Variants in DMD observed in about 807,000 individuals in gnomAD.
DMD encodes the protein mutant dystrophin.
A neutral mutation model predicts 330.1 loss-of-function variants in DMD; 63 were observed. That is an observed-to-expected ratio of 0.19 (90% confidence interval 0.16 to 0.24). The LOEUF (loss-of-function observed/expected upper bound fraction) is 0.24, where lower values mean the gene tolerates loss of function less well. Ranked by LOEUF, DMD falls within the 10% of genes least tolerant of loss-of-function variation. DMD has a pLI of 1.00. For missense variants in DMD, 3,344 were observed against 2,684.1 expected (o/e 1.25, Z -5.43); for synonymous variants, 1,223 against 959.8 (o/e 1.27, Z -5.07).
intron 2 of DMD, among the ~76,000 whole-genome samples, chrX:33,008,691 C>G (rs1421483616): frequency 9.4e-6 from 1 of 106,687 alleles, no homozygotes; most frequent in East Asian, 3.0e-4. Flanking sequence ...CTTTATTCAT[C>G]ACCTATCTGC....
chrX:32,742,829 G>A (rs2069473858), intron 7 of DMD, among the ~76,000 whole-genome samples: 1 of 111,889 alleles, frequency 8.9e-6, no homozygotes, highest in Non-Finnish European at 1.9e-5. Context: ...CTGTAAAATT[G>A]TTACATGAAT....
intron 1 of DMD, among the ~76,000 whole-genome samples, chrX:33,023,754 T>G (rs1316079731): frequency 9.0e-6 from 1 of 111,531 alleles, no homozygotes; most frequent in Non-Finnish European, 1.9e-5. Flanking sequence ...TGGGCTCCAT[T>G]TGATTATCTG....
intron 62 of DMD, among the ~76,000 whole-genome samples, chrX:31,273,596 C>G (rs1050362844): frequency 1.8e-5 from 2 of 111,513 alleles, no homozygotes; most frequent in Non-Finnish European, 3.8e-5. Flanking sequence ...ATTAAGCGAA[C>G]AAGGAAGTCA....
chrX:32,686,691 A>G (rs753484995), intron 9 of DMD, among the ~76,000 whole-genome samples: 1 of 110,938 alleles, frequency 9.0e-6, no homozygotes, highest in East Asian at 2.8e-4. Flanking sequence ...TCATTAAAAT[A>G]TAAGGTTAAT....
intron 50 of DMD, among the ~76,000 whole-genome samples, chrX:31,810,439 G>A (rs1427651775): frequency 8.9e-6 from 1 of 111,773 alleles, no homozygotes; most frequent in African/African-American, 3.3e-5. Context: ...TTTCCTATTC[G>A]AATAAAAATA....
chrX:31,857,380 GAAAAAAAAAAAAAAAA>G lies in DMD; in HGVS notation c.7098+17792_7098+17807del, dbSNP rs57685055. On this transcript the variant is annotated intron_variant, in intron 48 of 78. Coordinates refer to ENST00000357033, the MANE Select transcript of DMD (RefSeq NM_004006.3). ...GGTGATGGAGCAAGACTCCACCTCG[GAAAAAAAAAAAAAAAA>G]AAAAAAAAAAAAAGAGAATACCAAT... Among the ~76,000 whole-genome samples the G allele has an allele frequency of 3.5e-4, 13 of 36,771 alleles. No homozygotes were observed. The East Asian group carries it at 0.015, about 43-fold the overall frequency. The allele number at this position is 36,771 out of a possible 115,157, so 31.9% of individuals were successfully genotyped here. A position where few individuals can be genotyped will look rare whatever the true frequency, so the allele number is the denominator to read the frequency against.
chrX:32,723,656 T>C (rs2066562169), intron 7 of DMD, among the ~76,000 whole-genome samples: 1 of 111,122 alleles, frequency 9.0e-6, no homozygotes, highest in African/African-American at 3.3e-5. Context: ...AAAGAGACTT[T>C]AGGTATTCTT....
At chrX:32,503,772 T>G (rs1386517916) in intron 18 of DMD, among the ~76,000 whole-genome samples, 1 of 110,965 alleles carries the variant, frequency 9.0e-6, no homozygotes, top group Non-Finnish European at 1.9e-5. Context: ...GCCAGGCTGG[T>G]CTCAAACTCC....
chrX:31,721,684 CACTCTCTCTCTCTCTCTCTCT>C lies in DMD; in HGVS notation c.7660+7926_7660+7946del, dbSNP rs1569292458. On this transcript the variant is annotated intron_variant, in intron 52 of 78. Transcript: ENST00000357033. ...TTATTACCAATCTCTCTCTCTCTCT[CACTCTCTCTCTCTCTCTCTCT>C]CTCTCTCTCTCTCTATATATATATA... Among the ~76,000 whole-genome samples, 453 of 68,490 alleles carry C rather than the reference CACTCTCTCTCTCTCTCTCTCT, an allele frequency of 6.6e-3. 5 individuals carry two copies. The highest frequency in any genetic ancestry group is 0.021 in the African/African-American group (431 of 20,137). 59.5% of individuals were successfully genotyped at this position (68,490 alleles called of 115,157 possible).
chrX:32,541,737 C>G (rs752238572), intron 17 of DMD, among the ~76,000 whole-genome samples: 11 of 110,063 alleles, frequency 1.0e-4, no homozygotes, highest in African/African-American at 3.3e-5. Context: ...TATCTGTACA[C>G]CAAACAGCCA....
chrX:31,284,092 C>T (rs1192904646), intron 62 of DMD, among the ~76,000 whole-genome samples: 1 of 112,226 alleles, frequency 8.9e-6, no homozygotes, highest in Admixed American at 9.5e-5. Context: ...TCATCTAACA[C>T]AAAGCCTATT....
intron 1 of DMD, among the ~76,000 whole-genome samples, chrX:33,182,659 G>A (rs2050056919): frequency 9.0e-6 from 1 of 111,327 alleles, no homozygotes; most frequent in Non-Finnish European, 1.9e-5. Flanking sequence ...GAAAAAGGAA[G>A]AGTAGAAAAA....
chrX:32,714,239 T>C (rs1222012300), intron 7 of DMD, among the ~76,000 whole-genome samples: 1 of 111,419 alleles, frequency 9.0e-6, no homozygotes, highest in East Asian at 2.8e-4. Context: ...TGTGTAGTGA[T>C]CAAGTCTCGG....
chrX:32,079,617 G>GAAAGAA (rs1474821311), intron 44 of DMD, among the ~76,000 whole-genome samples: 1 of 97,351 alleles, frequency 1.0e-5, no homozygotes, highest in Non-Finnish European at 2.1e-5. Context: ...AGAAAGAAAA[G>GAAAGAA]AAAGAAAAAG....
chrX:32,835,684 A>G (rs1057068087), intron 4 of DMD, among the ~76,000 whole-genome samples: 3 of 111,846 alleles, frequency 2.7e-5, no homozygotes, highest in African/African-American at 9.7e-5. Context: ...GGACAGGGAA[A>G]GGAAAGAAAC....
At chrX:31,756,573 T>C (rs1603460559) in intron 51 of DMD, among the ~76,000 whole-genome samples, 1 of 112,883 alleles carries the variant, frequency 8.9e-6, no homozygotes, top group South Asian at 3.6e-4. Context: ...CTTGGGCAAG[T>C]CACTTAACCT....
At chrX:32,634,260 GA>G (rs2058937113) in intron 11 of DMD, among the ~76,000 whole-genome samples, 1 of 111,998 alleles carries the variant, frequency 8.9e-6, no homozygotes, top group African/African-American at 3.3e-5. Flanking sequence ...AGGGCAGTAA[GA>G]AAATGGAATC....
At chrX:32,145,277 A>C (rs2096773413) in intron 44 of DMD, among the ~76,000 whole-genome samples, 1 of 112,237 alleles carries the variant, frequency 8.9e-6, no homozygotes, top group Non-Finnish European at 1.9e-5. Flanking sequence ...TGTAATTTGC[A>C]ATACATCATA....
chrX:32,437,420 T>A (rs1291236015), intron 29 of DMD, among the ~76,000 whole-genome samples: 2 of 111,848 alleles, frequency 1.8e-5, no homozygotes, highest in Non-Finnish European at 3.8e-5. Context: ...GACTATTCAA[T>A]AAGTCATTAG....
Sources: allele counts gnomAD v4.1 joint callset (sites outside exome capture counted in the v4.1 genomes callset), GRCh38; gene constraint gnomAD v4.1.1; transcripts MANE v1.5; gene names NCBI Gene and HGNC (gene_info 2026-07-23, HGNC 2026-07-21).